CSMD2: variants seen among roughly 807,000 people sequenced by gnomAD.
CSMD2 encodes the protein CUB and sushi domain-containing protein 2.
In CSMD2, 130 loss-of-function variants were observed where a neutral mutation model predicts 398.5. The ratio of observed to expected loss-of-function variants is 0.33; its 90% CI spans 0.28 to 0.38. The LOEUF is 0.38. Ranked by LOEUF, CSMD2 falls within the 10% of genes least tolerant of loss-of-function variation. The pLI, the probability that CSMD2 is intolerant of heterozygous loss-of-function variation, is 1.00. For missense variants in CSMD2, 3,829 were observed against 4,764.9 expected (o/e 0.80, Z 5.78); for synonymous variants, 1,828 against 1,908.5 (o/e 0.96, Z 1.10).
At chr1:33,912,395 G>T (rs903496410) in intron 5 of CSMD2, among the ~76,000 whole-genome samples, 2 of 141,394 alleles carry the variant, frequency 1.4e-5, no homozygotes, top group African/African-American at 5.8e-5. Context: ...AGCTTTGGAC[G>T]ACCCCCGCAT....
chr1:33,953,336 G>T (rs1274893203), intron 3 of CSMD2, among the ~76,000 whole-genome samples: 1 of 152,156 alleles, frequency 6.6e-6, no homozygotes, highest in Non-Finnish European at 1.5e-5. Context: ...TAAATTTGCA[G>T]AGCCATGGCC....
chr1:33,810,697 C>T, intron 10 of CSMD2, 46 bp downstream of exon 10: 1 of 1,601,972 alleles, frequency 6.2e-7, no homozygotes. Flanking sequence ...CTGTCCCCAA[C>T]CTAGCCCTGC....
At position 33,611,219 on chromosome 1, in the gene CSMD2, G is replaced by C. The variant is rs150715399; in HGVS notation, c.6165C>G (p.Thr2055=). 6.2e-7 allele frequency: 1 copy of C among 1,614,062 alleles called. No individual in the cohort carries two copies. Among genetic ancestry groups the C allele is most frequent in the Admixed American group, 1.7e-5 (1 of 60,010 alleles). ...GAHIQFLNFS[T]EPNHDYIEIR... Reference sequence around the variant, plus strand: ...TTTCTATGTAGTCGTGGTTGGGCTCGGTGGAGAAGTTCAGGAACTGGATGT... The same window carrying C: ...TTTCTATGTAGTCGTGGTTGGGCTCCGTGGAGAAGTTCAGGAACTGGATGT... The change falls in exon 41 of 71, where the codon ACC becomes ACG. Residue 2055 remains threonine (T), a synonymous_variant. Transcript: ENST00000373381.
chr1:33,968,725 C>T (rs917279913), intron 3 of CSMD2, among the ~76,000 whole-genome samples: 9 of 152,168 alleles, frequency 5.9e-5, no homozygotes, highest in African/African-American at 1.9e-4. Context: ...CTTTTGAAAC[C>T]CTGCACTGAG....
rs1371127121 is a variant in CSMD2, at chr1:33,662,935, T to C, written c.4210A>G (p.Thr1404Ala). ...TFNSVVLQFSTDFFTSKQGFA... is the reference protein window; with the variant it reads ...TFNSVVLQFSADFFTSKQGFA... The stretch of plus-strand genomic sequence containing the variant: ...CCCTGCTTGCTGGTGAAGAAGTCAG[T>C]GCTGAACTGCAGGACGACCGAGTTG... Residue 1404 changes from threonine (T) to alanine (A), a missense_variant, in exon 26 of 71, where the codon ACT becomes GCT. Physicochemically the swap from Thr to Ala is moderately conservative, Grantham distance 58. This residue lies in a region of CSMD2 where 2,001 missense variants were observed against 2,567.1 expected (regional missense o/e 0.78). Transcript: ENST00000373381. 3 of 1,614,158 alleles carry C rather than the reference T, an allele frequency of 1.9e-6. No homozygotes were observed. The highest frequency in any genetic ancestry group is 3.3e-5 in the Admixed American group (2 of 60,026).
At chr1:34,088,811 A>G (rs116811609) in intron 2 of CSMD2, among the ~76,000 whole-genome samples, 166 bp downstream of exon 2, 3 of 152,288 alleles carry the variant, frequency 2.0e-5, no homozygotes, top group African/African-American at 7.2e-5. Flanking sequence ...GGAAACCTCT[A>G]AGCAAGAGAC....
At chr1:33,707,932 C>T (rs896003808) in intron 22 of CSMD2, among the ~76,000 whole-genome samples, 3 of 152,150 alleles carry the variant, frequency 2.0e-5, no homozygotes, top group African/African-American at 7.2e-5. Flanking sequence ...ACTTCTCTGG[C>T]TACAAGGAAT....
intron 29 of CSMD2, among the ~76,000 whole-genome samples, chr1:33,637,887 A>C (rs774599611): frequency 8.5e-5 from 13 of 152,068 alleles, no homozygotes; most frequent in Non-Finnish European, 1.8e-4. Context: ...GCTCAGGAGG[A>C]ATTTTGCTGA....
intron 3 of CSMD2, among the ~76,000 whole-genome samples, chr1:34,016,918 TCA>T (rs1648206303): frequency 6.6e-6 from 1 of 152,198 alleles, no homozygotes. Context: ...ATATTGTATT[TCA>T]CAGTTTTTTT....
intron 12 of CSMD2, among the ~76,000 whole-genome samples, 161 bp from the exon 13 acceptor site, chr1:33,772,912 A>G (rs1230909436): frequency 6.6e-6 from 1 of 152,192 alleles, no homozygotes; most frequent in Non-Finnish European, 1.5e-5. Flanking sequence ...GAGGTTTGTG[A>G]GAAATCCTGC....
rs528207053 is a variant in CSMD2 at position 33,746,096 on chromosome 1, T to C, written c.1847-2490A>G. 2.0e-5 allele frequency among the ~76,000 whole-genome samples: 3 copies of C among 152,302 alleles called. No homozygotes were observed. In the East Asian group the frequency reaches 5.8e-4, roughly 29 times the overall value. On this transcript the variant is annotated intron_variant, in intron 13 of 70. Transcript: ENST00000373381. ...AGAATAACACTTCCCCCTGGGCCTATGTGACCGTGGAGTCTTAGAAGGCGT... is the reference window on the plus strand; with the variant it reads ...AGAATAACACTTCCCCCTGGGCCTACGTGACCGTGGAGTCTTAGAAGGCGT...
chr1:33,746,664 C>T (rs1202124420), intron 13 of CSMD2, among the ~76,000 whole-genome samples: 1 of 152,214 alleles, frequency 6.6e-6, no homozygotes, highest in Non-Finnish European at 1.5e-5. Context: ...CCAACACATA[C>T]ACAGATCTTC....
At chr1:33,840,497 G>C (rs527254418) in intron 6 of CSMD2, among the ~76,000 whole-genome samples, 2 of 152,282 alleles carry the variant, frequency 1.3e-5, no homozygotes, top group East Asian at 3.9e-4. Flanking sequence ...ATCATGTCCT[G>C]TTCTTCTAGC....
chr1:34,131,235 C>T (rs1272937821), intron 1 of CSMD2, among the ~76,000 whole-genome samples: 1 of 152,152 alleles, frequency 6.6e-6, no homozygotes, highest in Non-Finnish European at 1.5e-5. Flanking sequence ...GATGAGGACA[C>T]TGAGGTGAAG....
chr1:34,095,857 C>A (rs1278400403), intron 1 of CSMD2, among the ~76,000 whole-genome samples: 1 of 151,826 alleles, frequency 6.6e-6, no homozygotes, highest in East Asian at 1.9e-4. Flanking sequence ...ACCATTCCTT[C>A]TGAAACTATT....
intron 9 of CSMD2, among the ~76,000 whole-genome samples, chr1:33,811,690 A>T (rs1656888225): frequency 6.6e-6 from 1 of 152,238 alleles, no homozygotes; most frequent in South Asian, 2.1e-4. Flanking sequence ...TAGCTTCTAA[A>T]CTAATTAGAT....
intron 3 of CSMD2, among the ~76,000 whole-genome samples, chr1:33,969,620 A>C (rs952718473): frequency 2.0e-5 from 3 of 152,218 alleles, no homozygotes; most frequent in Non-Finnish European, 2.9e-5. Flanking sequence ...TAAGGTTTTG[A>C]GAGTTAAGTG....
intron 3 of CSMD2, among the ~76,000 whole-genome samples, chr1:33,994,669 C>T (rs1286416640): frequency 1.3e-5 from 2 of 152,066 alleles, no homozygotes; most frequent in Admixed American, 6.6e-5. Flanking sequence ...TGCCCTTCAC[C>T]CTAGAACCAC....
At chr1:33,767,445 C>T (rs1252155849) in intron 13 of CSMD2, among the ~76,000 whole-genome samples, 4 of 152,128 alleles carry the variant, frequency 2.6e-5, no homozygotes, top group Non-Finnish European at 5.9e-5. Flanking sequence ...GCTCCAGATA[C>T]GTCTAGAGAT....
Sources: gnomAD v4.1 joint callset for allele counts (sites outside exome capture counted in the v4.1 genomes callset) on GRCh38, gnomAD v4.1.1 for gene constraint, gnomAD v4.1.1 regional missense constraint, MANE v1.5 for transcripts, NCBI Gene and HGNC (gene_info 2026-07-23, HGNC 2026-07-21) for gene names.